The following SMG1 variants were observed in gnomAD, a reference collection of about 807,000 sequenced individuals.
The protein encoded by SMG1 is serine/threonine-protein kinase SMG1.
A neutral mutation model predicts 419.9 loss-of-function variants in SMG1; 22 were observed. That is an observed-to-expected ratio of 0.05 (90% confidence interval 0.04 to 0.07). The LOEUF (loss-of-function observed/expected upper bound fraction) is 0.07. Ranked by LOEUF, SMG1 falls within the 10% of genes least tolerant of loss-of-function variation. The pLI is 1.00. For synonymous variants in SMG1, 1,538 were observed against 1,553.5 expected (o/e 0.99, Z 0.23); for missense variants, 3,185 against 4,342.0 (o/e 0.73, Z 7.49).
chr16:18,849,465 G>C, intron 35 of SMG1, 87 bp from the exon 36 acceptor site: 1 of 1,267,370 alleles, frequency 7.9e-7, no homozygotes, highest in Non-Finnish European at 1.1e-6. Context: ...CAGATAAAAC[G>C]TGATGTGTGT....
chr16:18,897,140 A>G (rs1423713018), intron 1 of SMG1, among the ~76,000 whole-genome samples, 184 bp from the exon 2 acceptor site: 2 of 152,188 alleles, frequency 1.3e-5, no homozygotes, highest in African/African-American at 4.8e-5. Flanking sequence ...GAGATTCTCA[A>G]TGGATGAAAT....
At chr16:18,890,110 T>C (rs1347078643) in intron 5 of SMG1, among the ~76,000 whole-genome samples, 2 of 152,168 alleles carry the variant, frequency 1.3e-5, no homozygotes, top group South Asian at 4.1e-4. Context: ...TCTTTGGGAA[T>C]CACCATAACA....
intron 21 of SMG1, 62 bp downstream of exon 21, chr16:18,868,461 C>T: frequency 6.8e-7 from 1 of 1,472,740 alleles, no homozygotes; most frequent in Non-Finnish European, 9.3e-7. Context: ...TTCAGCTCTG[C>T]ACATACTGCC....
At chr16:18,917,100 T>C (rs2038011669) in intron 1 of SMG1, among the ~76,000 whole-genome samples, 1 of 152,094 alleles carries the variant, frequency 6.6e-6, no homozygotes, top group Non-Finnish European at 1.5e-5. Flanking sequence ...CTTTTGCTTA[T>C]GGAAATTCTC....
chr16:18,858,870 G>C (rs2035059777), intron 28 of SMG1, 152 bp downstream of exon 28: 2 of 608,494 alleles, frequency 3.3e-6, no homozygotes, highest in East Asian at 6.1e-5. Context: ...CTTCTCAAAT[G>C]AAAAACTGCC....
chr16:18,846,649 T>C (rs1455875857), intron 38 of SMG1, among the ~76,000 whole-genome samples: 2 of 151,950 alleles, frequency 1.3e-5, no homozygotes, highest in African/African-American at 4.8e-5. Flanking sequence ...ATTAGGAAAA[T>C]GCAAATCAAA....
At chr16:18,853,234 T>C (rs1030432996) in intron 31 of SMG1, among the ~76,000 whole-genome samples, 4 of 152,220 alleles carry the variant, frequency 2.6e-5, no homozygotes, top group African/African-American at 9.6e-5. Context: ...CTTGAATCTT[T>C]ATATAGTTTC....
chr16:18,861,483 A>T (rs2035215364), intron 25 of SMG1: 1 of 150,228 alleles, frequency 6.7e-6, no homozygotes, highest in Non-Finnish European at 1.5e-5. Flanking sequence ...ACTGTTTCTC[A>T]CTCTCTCTCT....
intron 1 of SMG1, among the ~76,000 whole-genome samples, chr16:18,916,057 G>A (rs774936452): frequency 1.7e-3 from 169 of 99,846 alleles, no homozygotes; most frequent in Non-Finnish European, 2.4e-3. Context: ...GGATAAGAGC[G>A]ACACTTCGTC....
At chr16:18,870,777 A>G (rs372687295) in intron 17 of SMG1, 24 bp downstream of exon 17, 32 of 1,529,420 alleles carry the variant, frequency 2.1e-5, no homozygotes, top group East Asian at 9.4e-5. Flanking sequence ...GTTAATGTCA[A>G]AAGACATGAT....
intron 41 of SMG1, among the ~76,000 whole-genome samples, chr16:18,840,923 G>T (rs1202348364): frequency 2.0e-5 from 3 of 152,090 alleles, no homozygotes; most frequent in Admixed American, 6.6e-5. Context: ...GGCTGGGTGT[G>T]GTGGCTCATG....
At chr16:18,907,187 C>T (rs1251091364) in intron 1 of SMG1, among the ~76,000 whole-genome samples, 1 of 151,766 alleles carries the variant, frequency 6.6e-6, no homozygotes, top group Non-Finnish European at 1.5e-5. Context: ...GAGGCTGAGG[C>T]AGGAGAATCA....
intron 50 of SMG1, among the ~76,000 whole-genome samples, chr16:18,833,444 A>C (rs1392031387): frequency 6.6e-6 from 1 of 152,200 alleles, no homozygotes; most frequent in African/African-American, 2.4e-5. Flanking sequence ...CCTTAAGAAC[A>C]AAAAGAACTG....
Position 18,872,596 on chromosome 16 carries a change from G to A in SMG1, c.1919C>T (p.Ala640Val), listed in dbSNP as rs1307196034. ...GMWALSPTVF[A>V]LLSKNLMIVH... The stretch of plus-strand genomic sequence containing the variant: ...AATCATCAGATTCTTACTCAGAAGT[G>A]CAAAGACAGTTGGAGATAGCGCCCA... Residue 640 changes from alanine to valine, a missense_variant, in exon 14 of 63, where the codon GCA becomes GTA. Physicochemically the swap from Ala to Val is moderately conservative, Grantham distance 64. Transcript: ENST00000446231. 1.2e-5 allele frequency: 18 copies of A among 1,478,160 alleles called. No individual in the cohort carries two copies. The highest frequency in any genetic ancestry group is 1.6e-5 in the Non-Finnish European group (18 of 1,106,046). 91.6% of individuals were successfully genotyped at this position (1,478,160 alleles called of 1,614,324 possible).
intron 4 of SMG1, among the ~76,000 whole-genome samples, chr16:18,891,551 C>G (rs9646253): frequency 6.6e-6 from 1 of 151,762 alleles, no homozygotes; most frequent in Admixed American, 6.6e-5. Flanking sequence ...TTCTCCTGCT[C>G]AGCCTCCCAT....
At chr16:18,916,504 A>G (rs2141998437) in intron 1 of SMG1, among the ~76,000 whole-genome samples, 1 of 121,738 alleles carries the variant, frequency 8.2e-6, no homozygotes, top group Admixed American at 1.0e-4. Flanking sequence ...CGACGGTGAG[A>G]CTCCATCTCA....
At chr16:18,851,503 C>G (rs987791458) in intron 33 of SMG1, among the ~76,000 whole-genome samples, 3 of 152,238 alleles carry the variant, frequency 2.0e-5, no homozygotes, top group Non-Finnish European at 4.4e-5. Context: ...TAAGAACTTA[C>G]AATTTCTGAT....
In SMG1 at chr16:18,805,520, C is replaced by T. The variant is rs774531575; in HGVS notation, c.*4049G>A. On this transcript the variant is annotated 3_prime_UTR_variant, in exon 63 of 63. Transcript: ENST00000446231. ...CTCATTAAGAGTCAGTTTTACCCTT[C>T]TGTAAATAAGGATGGTGATACTGTT... 7 of 152,078 alleles carry T rather than the reference C, an allele frequency of 4.6e-5. No individual in the cohort carries two copies. The highest frequency in any genetic ancestry group is 1.0e-4 in the Non-Finnish European group (7 of 68,020). 9.4% of individuals were successfully genotyped at this position (152,078 alleles called of 1,614,324 possible). A position where few individuals can be genotyped will look rare whatever the true frequency, so the allele number is the denominator to read the frequency against.
chr16:18,813,149 T>C (rs1302633087), intron 60 of SMG1, among the ~76,000 whole-genome samples: 3 of 152,188 alleles, frequency 2.0e-5, no homozygotes, highest in East Asian at 3.8e-4. Flanking sequence ...TGTGTCTTTA[T>C]AGCAGCATGA....
Sources: allele counts gnomAD v4.1 joint callset (sites outside exome capture counted in the v4.1 genomes callset), GRCh38; gene constraint gnomAD v4.1.1; transcripts MANE v1.5; gene names NCBI Gene and HGNC (gene_info 2026-07-23, HGNC 2026-07-21).